Variants in ZNF724 observed in about 807,000 individuals in gnomAD.
The protein encoded by ZNF724 is zinc finger protein 724, also known as zinc finger protein 724 pseudogene.
In ZNF724, 14 loss-of-function variants were observed where a neutral mutation model predicts 29.3. The ratio of observed to expected loss-of-function variants is 0.48; its 90% confidence interval spans 0.32 to 0.75. The LOEUF is 0.75. ZNF724 is among the 30% of genes least tolerant of loss of function. The probability of loss-of-function intolerance (pLI) is 0.04; values close to 1 mark genes in which losing one functional copy is unlikely to be tolerated. For synonymous variants in ZNF724, 180 were observed against 193.6 expected (o/e 0.93, Z 0.58); for missense variants, 557 against 571.2 (o/e 0.98, Z 0.25).
intron 3 of ZNF724, 149 bp from the exon 4 acceptor site, chr19:23,224,167 G>A (rs761665877): frequency 5.4e-5 from 27 of 501,472 alleles, no homozygotes; most frequent in Middle Eastern, 1.0e-3. Flanking sequence ...CTCCCAGCAC[G>A]TTGAAAGGCT....
At chr19:23,237,537 C>T (rs1397450628) in intron 1 of ZNF724, among the ~76,000 whole-genome samples, 5 of 151,416 alleles carry the variant, frequency 3.3e-5, no homozygotes, top group African/African-American at 7.3e-5. Flanking sequence ...AAAAGTATGA[C>T]GAATATTAAA....
intron 2 of ZNF724, among the ~76,000 whole-genome samples, chr19:23,231,692 G>C: frequency 6.6e-6 from 1 of 151,612 alleles, no homozygotes; most frequent in East Asian, 1.9e-4. Context: ...GAAACATCTT[G>C]AATTTTTTTT....
At chr19:23,240,959 G>A (rs919919865) in intron 1 of ZNF724, among the ~76,000 whole-genome samples, 7 of 151,970 alleles carry the variant, frequency 4.6e-5, no homozygotes, top group South Asian at 2.1e-4. Context: ...CTTAAACCCC[G>A]GAGGCAGAGG....
Position 23,223,134 on chromosome 19 carries a change from A to G in ZNF724, c.1111T>C (p.Cys371Arg), listed in dbSNP as rs763164228. ...TGEKPYKCEE[C>R]GKAFNVSSTL... ...GAGGACACGTTAAAGGCTTTGCCACACTCTTCACATTTGTAAGGTTTCTCT... is the reference window on the plus strand; with the variant it reads ...GAGGACACGTTAAAGGCTTTGCCACGCTCTTCACATTTGTAAGGTTTCTCT... Residue 371 changes from cysteine to arginine, a missense_variant, in exon 4 of 4, where the codon TGT (cysteine) becomes CGT (arginine). Around this residue, in one of 3 missense-constraint regions of ZNF724, gnomAD observed 362 missense variants for 295.5 expected, o/e 1.22. Coordinates refer to ENST00000418100, the MANE Select transcript of ZNF724 (RefSeq NM_001355404.2). The G allele has an allele frequency of 1.6e-5, 21 of 1,287,298 alleles. No homozygotes were observed. Among genetic ancestry groups the G allele is most frequent in the Non-Finnish European group, 2.3e-5 (20 of 883,400 alleles). The allele number at this position is 1,287,298 out of a possible 1,614,324, so 79.7% of individuals were successfully genotyped here.
At chr19:23,241,560 C>T (rs1215993576) in intron 1 of ZNF724, among the ~76,000 whole-genome samples, 1 of 152,158 alleles carries the variant, frequency 6.6e-6, no homozygotes, top group Non-Finnish European at 1.5e-5. Context: ...ACCAAGTAGG[C>T]TTTATCGCTG....
intron 1 of ZNF724, among the ~76,000 whole-genome samples, chr19:23,236,153 A>G (rs539132803): frequency 6.6e-6 from 1 of 152,284 alleles, no homozygotes; most frequent in African/African-American, 2.4e-5. Flanking sequence ...TAAGCAATCA[A>G]TGGCTCTGTA....
At chr19:23,224,387 T>G (rs1048150621) in intron 3 of ZNF724, among the ~76,000 whole-genome samples, 7 of 152,016 alleles carry the variant, frequency 4.6e-5, no homozygotes, top group Non-Finnish European at 8.8e-5. Context: ...CACTCCACGC[T>G]GGAGAACAGA....
chr19:23,227,313 G>C (rs1971849831), intron 3 of ZNF724, among the ~76,000 whole-genome samples: 1 of 152,026 alleles, frequency 6.6e-6, no homozygotes, highest in South Asian at 2.1e-4. Flanking sequence ...CCAGCACTTT[G>C]GGAGGCCAAG....
chr19:23,237,446 A>ATAATTT (rs1193604522), intron 1 of ZNF724, among the ~76,000 whole-genome samples: 6 of 152,158 alleles, frequency 3.9e-5, no homozygotes, highest in African/African-American at 1.4e-4. Context: ...CTAAGCATAA[A>ATAATTT]TAATTTTAAT....
rs768170757 is a variant in ZNF724 at position 23,222,898 on chromosome 19, G to C, written c.1347C>G (p.Pro449=). Residue 449 remains proline (P), a synonymous_variant, in exon 4 of 4, where the codon CCC becomes CCG. Coordinates refer to ENST00000418100, the MANE Select transcript of ZNF724 (RefSeq NM_001355404.2). ...THKIIHTGEK[P]YKCKECGKAF... is the part of the protein sequence containing the mutation. ...CTTTGCCACATTCTTTACATTTGTA[G>C]GGTTTCTCTCCAGTATGAATTATCT... is the stretch of plus-strand genomic sequence containing the variant. The C allele has an allele frequency of 7.2e-7, 1 of 1,397,504 alleles. No individual in the cohort carries two copies. The highest frequency in any genetic ancestry group is 1.4e-5 in the African/African-American group (1 of 70,486). 86.6% of individuals were successfully genotyped at this position (1,397,504 alleles called of 1,614,324 possible).
intron 1 of ZNF724, among the ~76,000 whole-genome samples, chr19:23,241,862 G>C (rs1437828765): frequency 6.6e-6 from 1 of 152,134 alleles, no homozygotes; most frequent in Non-Finnish European, 1.5e-5. Context: ...TTATTCAACA[G>C]AGAATTGGAA....
intron 1 of ZNF724, among the ~76,000 whole-genome samples, chr19:23,246,834 C>T (rs534480299): frequency 6.6e-6 from 1 of 152,246 alleles, no homozygotes; most frequent in East Asian, 1.9e-4. Flanking sequence ...TTTTCTACAG[C>T]CAAAATGGAA....
At chr19:23,230,184 TA>T (rs952477673) in intron 3 of ZNF724, among the ~76,000 whole-genome samples, 2 of 151,952 alleles carry the variant, frequency 1.3e-5, no homozygotes, top group African/African-American at 4.8e-5. Context: ...ACCAAGGATC[TA>T]AAAAGCCTTT....
In ZNF724 at chr19:23,237,717, T is replaced by TAAAAA. The variant is rs56110527; in HGVS notation, c.4-5429_4-5425dup. Among the ~76,000 whole-genome samples the TAAAAA allele has an allele frequency of 2.2e-3, 298 of 132,470 alleles. 3 individuals carry two copies. The highest frequency in any genetic ancestry group is 4.2e-3 in the East Asian group (19 of 4,476). 86.9% of individuals were successfully genotyped at this position (132,470 alleles called of 152,430 possible). On this transcript the variant is annotated intron_variant, in intron 1 of 3. Coordinates refer to ENST00000418100, the MANE Select transcript of ZNF724 (RefSeq NM_001355404.2). ...TGGGCAACAGAGCAAGAACCCGTCTTAAAAAAAAAAAAAAAAGAAAATACT... is the reference window on the plus strand; with the variant it reads ...TGGGCAACAGAGCAAGAACCCGTCTTAAAAAAAAAAAAAAAAAAAAAGAAAATACT...
At chr19:23,224,071 T>C in intron 3 of ZNF724, 53 bp from the exon 4 acceptor site, 1 of 605,200 alleles carries the variant, frequency 1.7e-6, no homozygotes, top group Non-Finnish European at 2.9e-6. Flanking sequence ...CAGATACATA[T>C]TCTTTACACA....
intron 1 of ZNF724, among the ~76,000 whole-genome samples, chr19:23,247,525 A>G (rs1972262249): frequency 6.6e-6 from 1 of 152,142 alleles, no homozygotes; most frequent in Non-Finnish European, 1.5e-5. Flanking sequence ...ATCCCTGGAG[A>G]GATTTTCCCA....
chr19:23,224,672 C>A (rs1433963110), intron 3 of ZNF724, among the ~76,000 whole-genome samples: 1 of 151,652 alleles, frequency 6.6e-6, no homozygotes, highest in Non-Finnish European at 1.5e-5. Flanking sequence ...AAGTGAACAC[C>A]CAGCCAGGCA....
intron 3 of ZNF724, among the ~76,000 whole-genome samples, chr19:23,224,983 C>CAA (rs199692648): frequency 6.8e-5 from 10 of 146,720 alleles, no homozygotes; most frequent in African/African-American, 7.5e-5. Flanking sequence ...ACAACAACAA[C>CAA]AAAAAAAAAA....
intron 1 of ZNF724, 126 bp downstream of exon 1, chr19:23,250,114 C>A (rs1972325437): frequency 1.9e-6 from 1 of 538,492 alleles, no homozygotes; most frequent in Non-Finnish European, 3.8e-6. Flanking sequence ...CCCAGCTGGG[C>A]AAGGAGAACT....
Sources: allele counts gnomAD v4.1 joint callset (sites outside exome capture counted in the v4.1 genomes callset), GRCh38; gene constraint gnomAD v4.1.1; regional missense constraint gnomAD v4.1.1; transcripts MANE v1.5; gene names NCBI Gene and HGNC (gene_info 2026-07-23, HGNC 2026-07-21).